SHB: variants seen among roughly 807,000 people sequenced by gnomAD.
The protein encoded by SHB is SH2 domain-containing adapter protein B.
Under a neutral mutation model 52.3 loss-of-function variants are expected in SHB, and 20 were observed. The ratio of observed to expected loss-of-function variants is 0.38; its 90% CI spans 0.27 to 0.56. The LOEUF (loss-of-function observed/expected upper bound fraction) is 0.56, where lower values mean the gene tolerates loss of function less well. SHB is among the 20% of genes least tolerant of loss of function. The pLI, the probability that SHB is intolerant of heterozygous loss-of-function variation, is 0.71. For synonymous variants in SHB, 397 were observed against 316.5 expected (o/e 1.25, Z -2.70); for missense variants, 825 against 723.3 (o/e 1.14, Z -1.61).
chr9:38,007,575 C>T (rs1821088703), intron 2 of SHB, among the ~76,000 whole-genome samples: 1 of 152,158 alleles, frequency 6.6e-6, no homozygotes, highest in South Asian at 2.1e-4. Context: ...ATAGGAGGTC[C>T]CTGGGCTCCT....
At chr9:38,025,437 G>A (rs1172962472) in intron 1 of SHB, among the ~76,000 whole-genome samples, 1 of 152,192 alleles carries the variant, frequency 6.6e-6, no homozygotes, top group Non-Finnish European at 1.5e-5. Flanking sequence ...AGGGAAAATG[G>A]GCCTGAGAAG....
intron 1 of SHB, among the ~76,000 whole-genome samples, chr9:38,041,993 G>C (rs972731231): frequency 9.2e-5 from 14 of 152,174 alleles, no homozygotes; most frequent in African/African-American, 3.4e-4. Flanking sequence ...GAAGTCATTA[G>C]CTGGCGCTGC....
intron 5 of SHB, among the ~76,000 whole-genome samples, chr9:37,924,862 C>T (rs904266829): frequency 2.0e-5 from 3 of 152,120 alleles, no homozygotes; most frequent in African/African-American, 7.2e-5. Context: ...AGGATTTGAA[C>T]CTATGTTTGT....
At chr9:37,955,670 T>C (rs1046803410) in intron 4 of SHB, among the ~76,000 whole-genome samples, 1 of 151,994 alleles carries the variant, frequency 6.6e-6, no homozygotes, top group African/African-American at 2.4e-5. Flanking sequence ...TTCTTTTTTT[T>C]GTAGAGACAG....
chr9:38,007,177 T>C (rs1267854257), intron 2 of SHB, among the ~76,000 whole-genome samples: 1 of 152,196 alleles, frequency 6.6e-6, no homozygotes, highest in African/African-American at 2.4e-5. Flanking sequence ...ACTGCATTTT[T>C]CCCCTGACCC....
rs1477500516 is a variant in SHB at position 37,919,500 on chromosome 9, AC to A, written c.*320del. The A allele has an allele frequency of 6.5e-6, 1 of 154,838 alleles. No individual in the cohort carries two copies. Among genetic ancestry groups the A allele is most frequent in the Non-Finnish European group, 1.3e-5 (1 of 77,402 alleles). The allele number at this position is 154,838 out of a possible 1,614,324, so 9.6% of individuals were successfully genotyped here. Reference sequence around the variant, plus strand: ...AGCCAGGGAGCTCCCGCCCCACCCTACCCCGCCCCTCGGAGCTGGTCTGCCT... The same window carrying A: ...AGCCAGGGAGCTCCCGCCCCACCCTACCCGCCCCTCGGAGCTGGTCTGCCT... On this transcript the variant is annotated 3_prime_UTR_variant, in exon 6 of 6. Transcript: ENST00000377707.
rs192832088 is a variant in SHB at position 37,953,174 on chromosome 9, C to G, written c.1226+2709G>C. Among the ~76,000 whole-genome samples the G allele has an allele frequency of 3.1e-4, 47 of 152,148 alleles. No individual in the cohort carries two copies. In the East Asian group the frequency reaches 9.2e-3, roughly 30 times the overall value. On this transcript the variant is annotated intron_variant, in intron 4 of 5. Coordinates refer to ENST00000377707, the MANE Select transcript of SHB (RefSeq NM_003028.3). ...TGCCACGGAGGACAGAGGGGGTCGT[C>G]TGGGGACCGGGGCAGAAAAAGGAGG... is the stretch of plus-strand genomic sequence containing the variant.
intron 1 of SHB, among the ~76,000 whole-genome samples, chr9:38,060,368 T>C (rs1821877184): frequency 6.6e-6 from 1 of 152,152 alleles, no homozygotes; most frequent in South Asian, 2.1e-4. Flanking sequence ...AGAGACAGTG[T>C]TTCACCATGT....
chr9:38,041,785 C>T (rs541378569), intron 1 of SHB, among the ~76,000 whole-genome samples: 5 of 152,182 alleles, frequency 3.3e-5, no homozygotes, highest in South Asian at 2.1e-4. Flanking sequence ...TGACAGGGGC[C>T]GGTACTGAAT....
intron 1 of SHB, among the ~76,000 whole-genome samples, chr9:38,041,518 G>A (rs1262969134): frequency 6.6e-6 from 1 of 152,108 alleles, no homozygotes; most frequent in African/African-American, 2.4e-5. Context: ...GAAGGAGAAG[G>A]GCATGCCTGC....
At chr9:38,066,829 C>A (rs1821970215) in intron 1 of SHB, among the ~76,000 whole-genome samples, 1 of 152,118 alleles carries the variant, frequency 6.6e-6, no homozygotes, top group Non-Finnish European at 1.5e-5. Context: ...ACATCCAGTC[C>A]TAAAAGGAAC....
intron 5 of SHB, among the ~76,000 whole-genome samples, chr9:37,937,234 T>C (rs1832381880): frequency 6.6e-6 from 1 of 152,218 alleles, no homozygotes; most frequent in African/African-American, 2.4e-5. Flanking sequence ...GTGAAAGCCA[T>C]GCTGCTGACT....
chr9:38,065,510 G>T (rs547451086), intron 1 of SHB, among the ~76,000 whole-genome samples: 3 of 152,134 alleles, frequency 2.0e-5, no homozygotes, highest in Non-Finnish European at 1.5e-5. Context: ...TCAATCAGAC[G>T]CTGCAGGATG....
At chr9:38,036,091 C>A (rs1821482576) in intron 1 of SHB, among the ~76,000 whole-genome samples, 1 of 152,194 alleles carries the variant, frequency 6.6e-6, no homozygotes, top group African/African-American at 2.4e-5. Flanking sequence ...AAGATCTTCT[C>A]CCTGCAGCAC....
chr9:38,068,196 C>G lies in SHB; in HGVS notation c.450G>C (p.Ala150=). The G allele has an allele frequency of 5.0e-6, 7 of 1,405,546 alleles. No homozygotes were observed. The highest frequency in any genetic ancestry group is 6.4e-6 in the Non-Finnish European group (7 of 1,093,186). 87.1% of individuals were successfully genotyped at this position (1,405,546 alleles called of 1,614,324 possible). ...GAGAGCCGGAGGACGAGGACGAGGA[C>G]GCGGCGGCCCCCGCGCCCGAGGAGG... ...CCASSGAGAA[A]SSSSSSGSPH... is the part of the protein sequence containing the mutation. Residue 150 remains alanine, a synonymous_variant, in exon 1 of 6, where the codon GCG becomes GCC. Transcript: ENST00000377707.
intron 3 of SHB, among the ~76,000 whole-genome samples, chr9:37,971,415 G>A (rs914558285): frequency 3.9e-5 from 6 of 152,114 alleles, no homozygotes; most frequent in African/African-American, 9.7e-5. Flanking sequence ...TCCCTCCAGC[G>A]ACAGTAACAG....
intron 4 of SHB, among the ~76,000 whole-genome samples, chr9:37,952,024 C>A (rs149804901): frequency 4.3e-4 from 66 of 152,242 alleles, no homozygotes; most frequent in African/African-American, 1.5e-3. Context: ...AGGTCAGAAC[C>A]AGGGGGATTA....
intron 2 of SHB, among the ~76,000 whole-genome samples, chr9:37,985,664 T>C (rs192071578): frequency 6.6e-6 from 1 of 152,318 alleles, no homozygotes; most frequent in African/African-American, 2.4e-5. Flanking sequence ...AACATCCAAC[T>C]TCATAGGCAA....
chr9:38,057,311 C>T (rs927059736), intron 1 of SHB, among the ~76,000 whole-genome samples: 6 of 151,724 alleles, frequency 4.0e-5, no homozygotes, highest in African/African-American at 1.2e-4. Flanking sequence ...GAAAAATAAA[C>T]ATATATATAT....
Sources: gnomAD v4.1 joint callset for allele counts (sites outside exome capture counted in the v4.1 genomes callset) on GRCh38, gnomAD v4.1.1 for gene constraint, MANE v1.5 for transcripts, NCBI Gene and HGNC (gene_info 2026-07-23, HGNC 2026-07-21) for gene names.